The following PTPRM variants were observed in gnomAD, a reference collection of about 807,000 sequenced individuals.
The protein encoded by PTPRM is protein tyrosine phosphatase receptor type M.
In PTPRM, 47 loss-of-function variants were observed where a neutral mutation model predicts 186.7. The observed-to-expected ratio is 0.25, with a 90% CI of 0.20 to 0.32. The LOEUF is 0.32. PTPRM is among the 10% of genes least tolerant of loss of function. The pLI, the probability that PTPRM is intolerant of heterozygous loss-of-function variation, is 1.00. For synonymous variants in PTPRM, 668 were observed against 674.9 expected, an observed-to-expected ratio of 0.99 and a Z score of 0.16; for missense variants, 1,494 against 1,865.0, an observed-to-expected ratio of 0.80 and a Z score of 3.66.
chr18:7,640,499 T>A (rs1404436527), intron 1 of PTPRM, among the ~76,000 whole-genome samples: 1 of 152,010 alleles, frequency 6.6e-6, no homozygotes, highest in Admixed American at 6.6e-5. Context: ...TAAACTAAAA[T>A]ATATATATAT....
At chr18:7,924,415 A>C (rs938504575) in intron 4 of PTPRM, among the ~76,000 whole-genome samples, 1 of 152,336 alleles carries the variant, frequency 6.6e-6, no homozygotes, top group Admixed American at 6.5e-5. Flanking sequence ...GGCTTCTAAT[A>C]TATTCCTATT....
chr18:7,800,305 G>A (rs1271526235), intron 2 of PTPRM, among the ~76,000 whole-genome samples: 1 of 152,176 alleles, frequency 6.6e-6, no homozygotes, highest in Non-Finnish European at 1.5e-5. Context: ...GATATGTTCT[G>A]AGAAATGACT....
chr18:8,266,228 T>C (rs2094698741), intron 19 of PTPRM, among the ~76,000 whole-genome samples: 1 of 152,114 alleles, frequency 6.6e-6, no homozygotes, highest in South Asian at 2.1e-4. Context: ...GTGTCTGAAA[T>C]GTGGTTATGA....
At chr18:8,207,007 A>C (rs2093940474) in intron 14 of PTPRM, among the ~76,000 whole-genome samples, 1 of 152,148 alleles carries the variant, frequency 6.6e-6, no homozygotes, top group Admixed American at 6.5e-5. Context: ...TCCTTCCTCT[A>C]CAGGTTTCAG....
intron 1 of PTPRM, among the ~76,000 whole-genome samples, chr18:7,739,062 T>C (rs1271428375): frequency 1.3e-5 from 2 of 152,180 alleles, no homozygotes; most frequent in Non-Finnish European, 2.9e-5. Context: ...AAATCCACTT[T>C]TCTCGTCGCA....
intron 14 of PTPRM, among the ~76,000 whole-genome samples, chr18:8,194,024 C>T (rs995308597): frequency 6.6e-6 from 1 of 152,218 alleles, no homozygotes; most frequent in Non-Finnish European, 1.5e-5. Flanking sequence ...TAATGTCACA[C>T]TCCTACAAAG....
intron 14 of PTPRM, among the ~76,000 whole-genome samples, chr18:8,208,589 G>A (rs2093960753): frequency 6.6e-6 from 1 of 151,816 alleles, no homozygotes; most frequent in Non-Finnish European, 1.5e-5. Context: ...ATAGTTCACT[G>A]CAGTCTTGAA....
intron 2 of PTPRM, among the ~76,000 whole-genome samples, chr18:7,791,633 G>A (rs1016779702): frequency 6.6e-6 from 1 of 152,128 alleles, no homozygotes; most frequent in African/African-American, 2.4e-5. Flanking sequence ...GGTTTAGTTG[G>A]ATGCACAGAA....
intron 1 of PTPRM, among the ~76,000 whole-genome samples, chr18:7,755,760 A>C (rs2041454889): frequency 6.6e-6 from 1 of 152,158 alleles, no homozygotes; most frequent in Admixed American, 6.5e-5. Context: ...GTGCTGTTCT[A>C]CAGATTTTCT....
intron 1 of PTPRM, among the ~76,000 whole-genome samples, chr18:7,766,894 T>A (rs1033390713): frequency 1.5e-4 from 23 of 152,360 alleles, no homozygotes; most frequent in East Asian, 3.9e-4. Context: ...AATTTTTTTT[T>A]AAATTAAAAT....
chr18:7,855,147 A>G (rs1252208255), intron 2 of PTPRM, among the ~76,000 whole-genome samples: 1 of 152,082 alleles, frequency 6.6e-6, no homozygotes, highest in Non-Finnish European at 1.5e-5. Flanking sequence ...GGTGGAGGAG[A>G]ACAGCTGCTT....
Position 7,736,799 on chromosome 18 carries a change from G to A in PTPRM, c.74-37350G>A, listed in dbSNP as rs566071079. Among the ~76,000 whole-genome samples the A allele has an allele frequency of 1.0e-3, 158 of 152,262 alleles. 1 individual carries two copies. Among genetic ancestry groups the A allele is most frequent in the African/African-American group, 3.4e-3 (143 of 41,570 alleles). ...AGTTGATTTTTAACTACTGGGTTTA[G>A]GCCAGGCAGGGCCAGGCCTGGTTTC... On this transcript the variant is annotated intron_variant, in intron 1 of 32. Transcript: ENST00000580170.
intron 1 of PTPRM, among the ~76,000 whole-genome samples, chr18:7,696,718 G>A (rs2039853061): frequency 6.6e-6 from 1 of 152,202 alleles, no homozygotes; most frequent in African/African-American, 2.4e-5. Context: ...GTCTTCCACG[G>A]TGTCCCGTCT....
intron 14 of PTPRM, among the ~76,000 whole-genome samples, chr18:8,173,410 G>A (rs948741844): frequency 1.3e-5 from 2 of 152,086 alleles, no homozygotes; most frequent in African/African-American, 2.4e-5. Flanking sequence ...TGTTAGAATC[G>A]GGCCAGGGTC....
At chr18:7,719,792 T>A (rs1302905007) in intron 1 of PTPRM, among the ~76,000 whole-genome samples, 1 of 152,168 alleles carries the variant, frequency 6.6e-6, no homozygotes, top group Non-Finnish European at 1.5e-5. Context: ...GAATTACACA[T>A]AAGAAGGTGA....
chr18:8,183,409 G>A (rs565512453), intron 14 of PTPRM, among the ~76,000 whole-genome samples: 4 of 152,266 alleles, frequency 2.6e-5, no homozygotes, highest in South Asian at 2.1e-4. Context: ...GCAGGAAAGC[G>A]GTGAACTTGT....
intron 6 of PTPRM, among the ~76,000 whole-genome samples, chr18:7,952,971 A>C (rs2053072972): frequency 6.6e-6 from 1 of 152,194 alleles, no homozygotes; most frequent in Non-Finnish European, 1.5e-5. Context: ...GTGCCACTGC[A>C]CTGCAGCCTC....
rs552097857 is a variant in PTPRM, at chr18:8,220,378, A to T, written c.2301-23680A>T. On this transcript the variant is annotated intron_variant, in intron 14 of 32. Coordinates refer to ENST00000580170, the MANE Select transcript of PTPRM (RefSeq NM_001105244.2). Reference sequence around the variant, plus strand: ...TTATCAGAGTTCTTTTACATAGCACAGAACAGTCATAAGATACTCTTACTT... The same window carrying T: ...TTATCAGAGTTCTTTTACATAGCACTGAACAGTCATAAGATACTCTTACTT... Among the ~76,000 whole-genome samples the T allele has an allele frequency of 3.3e-5, 5 of 152,352 alleles. No individual in the cohort carries two copies. In the East Asian group the frequency reaches 9.6e-4, roughly 29 times the overall value.
chr18:8,136,615 G>A (rs1404294326), intron 13 of PTPRM, among the ~76,000 whole-genome samples: 1 of 152,180 alleles, frequency 6.6e-6, no homozygotes, highest in Non-Finnish European at 1.5e-5. Context: ...GACAGAAGAA[G>A]AGTTATAAAT....
Sources: gnomAD v4.1 joint callset for allele counts (sites outside exome capture counted in the v4.1 genomes callset) on GRCh38, gnomAD v4.1.1 for gene constraint, MANE v1.5 for transcripts, NCBI Gene and HGNC (gene_info 2026-07-23, HGNC 2026-07-21) for gene names.